The following GALNT13 variants were observed in gnomAD, a reference collection of about 807,000 sequenced individuals.
GALNT13 encodes the protein polypeptide N-acetylgalactosaminyltransferase 13.
GALNT13 carries 28 observed loss-of-function variants against 64.2 expected under a neutral mutation model. That is an observed-to-expected ratio of 0.44 (90% CI 0.32 to 0.60). The LOEUF is 0.60. GALNT13 is among the 20% of genes least tolerant of loss of function. GALNT13 has a pLI of 0.05. For missense variants in GALNT13, 577 were observed against 669.8 expected (o/e 0.86, Z 1.53); for synonymous variants, 214 against 224.6 (o/e 0.95, Z 0.42).
At chr2:153,672,266 A>C in the GALNT13 span, among the ~76,000 whole-genome samples, 1 of 152,184 alleles carries the variant, frequency 6.6e-6, no homozygotes, top group African/African-American at 2.4e-5. Flanking sequence ...TCAGCACCAC[A>C]TTGCACTTAT....
chr2:154,071,459 AACAT>A (rs1243173315), intron 3 of GALNT13, among the ~76,000 whole-genome samples: 4 of 152,182 alleles, frequency 2.6e-5, no homozygotes, highest in African/African-American at 9.6e-5. Context: ...AGACAGAAAA[AACAT>A]ACATGCAATT....
intron 4 of GALNT13, among the ~76,000 whole-genome samples, chr2:154,169,886 T>G (rs1380431117): frequency 6.6e-6 from 1 of 151,738 alleles, no homozygotes; most frequent in Non-Finnish European, 1.5e-5. Context: ...TCTCTTTCCC[T>G]TAGAGAGAGA....
the GALNT13 span, among the ~76,000 whole-genome samples, chr2:153,409,338 G>A: frequency 1.4e-5 from 2 of 140,838 alleles, no homozygotes; most frequent in Admixed American, 1.4e-4. Flanking sequence ...ATATGTATAT[G>A]TATATATTCA....
the GALNT13 span, among the ~76,000 whole-genome samples, chr2:153,646,031 A>G: frequency 1.3e-5 from 2 of 152,146 alleles, no homozygotes; most frequent in East Asian, 1.9e-4. Context: ...CAGAAAAACT[A>G]TCATTATTTC....
chr2:153,738,228 A>C, the GALNT13 span, among the ~76,000 whole-genome samples: 8 of 151,866 alleles, frequency 5.3e-5, no homozygotes, highest in African/African-American at 1.7e-4. Context: ...TTTCATTGTA[A>C]TTTACAGTTT....
At chr2:153,207,504 T>C in the GALNT13 span, among the ~76,000 whole-genome samples, 1 of 152,136 alleles carries the variant, frequency 6.6e-6, no homozygotes, top group Admixed American at 6.5e-5. Context: ...ATGGTGATAC[T>C]CCAATTCTAA....
the GALNT13 span, among the ~76,000 whole-genome samples, chr2:153,297,342 A>G: frequency 2.0e-5 from 3 of 152,142 alleles, no homozygotes; most frequent in Admixed American, 6.5e-5. Context: ...TTATTTTTCT[A>G]TTTGCAACTG....
At chr2:154,270,261 T>A (rs1326520570) in intron 8 of GALNT13, among the ~76,000 whole-genome samples, 3 of 151,870 alleles carry the variant, frequency 2.0e-5, no homozygotes, top group African/African-American at 7.2e-5. Context: ...ATATTAGCCT[T>A]TGATATGATG....
At chr2:153,865,530 C>G in the GALNT13 span, among the ~76,000 whole-genome samples, 1 of 107,294 alleles carries the variant, frequency 9.3e-6, no homozygotes, top group South Asian at 3.5e-4. Flanking sequence ...CAAAAGAAGA[C>G]ATTTATGCAG....
At chr2:154,038,328 A>T (rs1047962716) in intron 3 of GALNT13, among the ~76,000 whole-genome samples, 3 of 152,188 alleles carry the variant, frequency 2.0e-5, no homozygotes, top group African/African-American at 7.2e-5. Context: ...AGCAAAAATA[A>T]CAAAGTCAGA....
At chr2:153,325,658 A>G in the GALNT13 span, among the ~76,000 whole-genome samples, 19 of 152,152 alleles carry the variant, frequency 1.2e-4, no homozygotes, top group African/African-American at 4.6e-4. Flanking sequence ...CCCTGTAAAC[A>G]CTGCTTTAGC....
At chr2:153,985,701 G>A (rs1273669991) in intron 3 of GALNT13, among the ~76,000 whole-genome samples, 1 of 151,988 alleles carries the variant, frequency 6.6e-6, no homozygotes, top group Non-Finnish European at 1.5e-5. Context: ...GGCCAGCTGT[G>A]AAAATGAAGA....
At chr2:153,142,706 T>G in the GALNT13 span, among the ~76,000 whole-genome samples, 1 of 151,670 alleles carries the variant, frequency 6.6e-6, no homozygotes, top group Admixed American at 6.6e-5. Context: ...TGTGGTGTTA[T>G]GTATGGAAAT....
the GALNT13 span, among the ~76,000 whole-genome samples, chr2:153,068,686 G>C: frequency 1.3e-5 from 2 of 152,192 alleles, no homozygotes; most frequent in African/African-American, 4.8e-5. Context: ...CTTCACCTTG[G>C]TGTGCTTGGT....
intron 3 of GALNT13, among the ~76,000 whole-genome samples, chr2:154,020,456 A>G (rs1363360265): frequency 1.3e-5 from 2 of 152,112 alleles, no homozygotes; most frequent in East Asian, 1.9e-4. Flanking sequence ...GCCAGTGATG[A>G]TGAGCATTTT....
intron 9 of GALNT13, among the ~76,000 whole-genome samples, chr2:154,389,847 G>C (rs374862788): frequency 2.0e-5 from 3 of 151,960 alleles, no homozygotes; most frequent in African/African-American, 7.2e-5. Flanking sequence ...ACAGGAATTA[G>C]TGAGGGGTAT....
intron 3 of GALNT13, among the ~76,000 whole-genome samples, chr2:154,016,849 A>T (rs1273876654): frequency 6.6e-6 from 1 of 152,200 alleles, no homozygotes; most frequent in Non-Finnish European, 1.5e-5. Flanking sequence ...AAAAGGTGTG[A>T]TGTAAATGAT....
chr2:153,697,030 G>C, the GALNT13 span, among the ~76,000 whole-genome samples: 1 of 152,136 alleles, frequency 6.6e-6, no homozygotes, highest in East Asian at 1.9e-4. Flanking sequence ...AAAATCTGAG[G>C]GTTTGCAGAA....
At chr2:154,310,882 A>G (rs1281673022) in intron 9 of GALNT13, among the ~76,000 whole-genome samples, 1 of 151,878 alleles carries the variant, frequency 6.6e-6, no homozygotes, top group Non-Finnish European at 1.5e-5. Context: ...GAAATAAGAT[A>G]TATAAATCAC....
Sources: gnomAD v4.1 joint callset for allele counts (sites outside exome capture counted in the v4.1 genomes callset) on GRCh38, gnomAD v4.1.1 for gene constraint, MANE v1.5 for transcripts, NCBI Gene and HGNC (gene_info 2026-07-23, HGNC 2026-07-21) for gene names.